Variants in AGTRAP observed in about 807,000 individuals in gnomAD.
AGTRAP encodes type-1 angiotensin II receptor-associated protein.
A neutral mutation model predicts 15.2 loss-of-function variants in AGTRAP; 7 were observed. The observed-to-expected ratio is 0.46, with a 90% CI of 0.26 to 0.87. AGTRAP has a LOEUF of 0.87. Ranked by LOEUF, AGTRAP falls within the 40% of genes least tolerant of loss-of-function variation. AGTRAP has a pLI of 0.15. For missense variants in AGTRAP, 187 were observed against 213.4 expected (o/e 0.88, Z 0.77); for synonymous variants, 74 against 89.6 (o/e 0.83, Z 0.98).
intron 1 of AGTRAP, among the ~76,000 whole-genome samples, chr1:11,742,377 G>T (rs4073574): frequency 0.58 from 88,475 of 151,956 alleles, 27,485 homozygotes; most frequent in East Asian, 0.9. Context: ...TTTTTCCTCT[G>T]CTGCCAGAGT....
intron 2 of AGTRAP, chr1:11,746,302 T>C (rs1308147059): frequency 7.9e-7 from 1 of 1,258,708 alleles, no homozygotes; most frequent in Non-Finnish European, 1.1e-6. Context: ...TAGTCACACT[T>C]CCCCAAGATT....
At chr1:11,749,191 C>T (rs1642251940) in intron 4 of AGTRAP, among the ~76,000 whole-genome samples, 4 of 152,258 alleles carry the variant, frequency 2.6e-5, no homozygotes. Flanking sequence ...TCTCTGAACT[C>T]CTGTACTCCT....
intron 2 of AGTRAP, chr1:11,746,381 T>C: frequency 3.1e-6 from 2 of 639,270 alleles, no homozygotes; most frequent in Non-Finnish European, 2.7e-6. Flanking sequence ...AGATGGTTTA[T>C]TCAAAGACCT....
intron 1 of AGTRAP, among the ~76,000 whole-genome samples, chr1:11,737,833 T>C (rs1043564527): frequency 3.3e-5 from 5 of 152,044 alleles, no homozygotes; most frequent in Non-Finnish European, 7.4e-5. Flanking sequence ...AGGCTGGTCC[T>C]CCCCTTGACT....
chr1:11,736,873 C>G (rs1473811390), intron 1 of AGTRAP, among the ~76,000 whole-genome samples: 3 of 140,716 alleles, frequency 2.1e-5, no homozygotes, highest in Admixed American at 7.7e-5. Context: ...TGAGCTCAGT[C>G]CGGGTCTGGG....
In AGTRAP at chr1:11,745,663, T is replaced by C; in HGVS notation, c.28-140T>C. 2 of 883,312 alleles carry C rather than the reference T, an allele frequency of 2.3e-6. No homozygotes were observed. The highest frequency in any genetic ancestry group is 3.7e-6 in the Non-Finnish European group (2 of 534,004). 54.7% of individuals were successfully genotyped at this position (883,312 alleles called of 1,614,324 possible). On this transcript the variant is annotated intron_variant, in intron 1 of 4. Transcript: ENST00000314340. This position sits in a 1 kb window ranked among gnomAD's most constrained non-coding sequence, Gnocchi z 4.2. ...CTCCTGGGCCACCTGCAGTTGCTGG[T>C]GTGCCTTTTCAACAGACATTACTGA...
intron 2 of AGTRAP, 103 bp from the exon 3 acceptor site, chr1:11,747,337 A>T: frequency 9.3e-7 from 1 of 1,071,140 alleles, no homozygotes. Flanking sequence ...GGCCTCGAAG[A>T]CTATGGCATG....
At chr1:11,738,586 C>T (rs1017155463) in intron 1 of AGTRAP, among the ~76,000 whole-genome samples, 1 of 151,696 alleles carries the variant, frequency 6.6e-6, no homozygotes, top group South Asian at 2.1e-4. Flanking sequence ...CACACCTCTC[C>T]ACCTCCCTGT....
At chr1:11,748,174 G>A (rs1439710544) in intron 3 of AGTRAP, among the ~76,000 whole-genome samples, 2 of 152,202 alleles carry the variant, frequency 1.3e-5, no homozygotes, top group South Asian at 2.1e-4. Flanking sequence ...TGGAGATGAC[G>A]GGAAATGGGT....
rs1452322585 is a variant in AGTRAP at position 11,750,224 on chromosome 1, G to GGCCTTCCTCGT, written c.*37_*47dup. 3.2e-6 allele frequency: 5 copies of GGCCTTCCTCGT among 1,570,064 alleles called. No individual in the cohort carries two copies. Among genetic ancestry groups the GGCCTTCCTCGT allele is most frequent in the Non-Finnish European group, 4.4e-6 (5 of 1,146,046 alleles). On this transcript the variant is annotated 3_prime_UTR_variant, in exon 5 of 5. Transcript: ENST00000314340. ...CCACGCTGCGCCCGGCCCTGCCCCGGGCCTTCCTCGTGCCTGGGAGGTCGT... is the reference window on the plus strand; with the variant it reads ...CCACGCTGCGCCCGGCCCTGCCCCGGGCCTTCCTCGTGCCTTCCTCGTGCCTGGGAGGTCGT...
Position 11,743,884 on chromosome 1 carries a change from A to G in AGTRAP, c.28-1919A>G, listed in dbSNP as rs17875986. ...CCCAGCCTCCATCTGCCCTTTTTCT[A>G]TGTGCTTTCCAGTCAGGGCCTTGTT... is the stretch of plus-strand genomic sequence containing the variant. On this transcript the variant is annotated intron_variant, in intron 1 of 4. Transcript: ENST00000314340. Among the ~76,000 whole-genome samples the G allele has an allele frequency of 4.3e-3, 648 of 152,058 alleles. 2 individuals are homozygous for G. The highest frequency in any genetic ancestry group is 6.8e-3 in the Middle Eastern group (2 of 294).
At chr1:11,737,216 T>C (rs1641922174) in intron 1 of AGTRAP, among the ~76,000 whole-genome samples, 1 of 152,252 alleles carries the variant, frequency 6.6e-6, no homozygotes, top group African/African-American at 2.4e-5. Context: ...TTCTTAATCA[T>C]ACTTGCTTCA....
intron 1 of AGTRAP, among the ~76,000 whole-genome samples, chr1:11,742,627 C>T (rs972643491): frequency 2.0e-5 from 3 of 152,074 alleles, no homozygotes; most frequent in African/African-American, 7.2e-5. Flanking sequence ...ACCTCACTGG[C>T]TCAAGTGATT....
chr1:11,747,657 A>C (rs1642199073), intron 3 of AGTRAP, 112 bp downstream of exon 3: 1 of 1,120,024 alleles, frequency 8.9e-7, no homozygotes, highest in Non-Finnish European at 1.3e-6. Context: ...TCCTTGGGCC[A>C]CCACTTCCCA....
intron 2 of AGTRAP, chr1:11,746,198 G>A (rs376864804): frequency 1.4e-5 from 22 of 1,612,138 alleles, no homozygotes; most frequent in African/African-American, 6.7e-5. Context: ...TGCAAACTTC[G>A]AAGTGCAGCG....
chr1:11,738,386 G>C (rs1007175217), intron 1 of AGTRAP, among the ~76,000 whole-genome samples: 1 of 152,230 alleles, frequency 6.6e-6, no homozygotes, highest in African/African-American at 2.4e-5. Context: ...GTCCTGAGCT[G>C]CAAGAATGAC....
chr1:11,736,832 G>T (rs1436458868), intron 1 of AGTRAP, among the ~76,000 whole-genome samples: 1 of 152,186 alleles, frequency 6.6e-6, no homozygotes, highest in East Asian at 1.9e-4. Flanking sequence ...ACACTGCAGG[G>T]CTTCCTGTGG....
chr1:11,743,407 A>G (rs1336098154), intron 1 of AGTRAP, among the ~76,000 whole-genome samples: 1 of 149,924 alleles, frequency 6.7e-6, no homozygotes, highest in Non-Finnish European at 1.5e-5. Context: ...CACCATGCCC[A>G]GCTAATTTTT....
intron 1 of AGTRAP, among the ~76,000 whole-genome samples, chr1:11,742,332 TG>T (rs567169227): frequency 5.9e-4 from 90 of 152,304 alleles, no homozygotes; most frequent in Non-Finnish European, 1.1e-3. Flanking sequence ...GGCACATAGT[TG>T]GTGTGTGGTC....
Sources: gnomAD v4.1 joint callset for allele counts (sites outside exome capture counted in the v4.1 genomes callset) on GRCh38, gnomAD v4.1.1 for gene constraint, Gnocchi (gnomAD v3.1) non-coding constraint, MANE v1.5 for transcripts, NCBI Gene and HGNC (gene_info 2026-07-23, HGNC 2026-07-21) for gene names.